The following HMCN1 variants were observed in gnomAD, a reference collection of about 807,000 sequenced individuals.
HMCN1 encodes the protein hemicentin 1.
HMCN1 carries 321 observed loss-of-function variants against 625.9 expected under a neutral mutation model. That is an observed-to-expected ratio of 0.51 (90% CI 0.47 to 0.56). The LOEUF (loss-of-function observed/expected upper bound fraction) is 0.56, where lower values mean the gene tolerates loss of function less well. Among genes scored for constraint, HMCN1 ranks in the 20% least tolerant of loss-of-function variants. The pLI, the probability that HMCN1 is intolerant of heterozygous loss-of-function variation, is 0.00. For missense variants in HMCN1, 6,588 were observed against 6,887.3 expected, an observed-to-expected ratio of 0.96 and a Z score of 1.54; for synonymous variants, 2,425 against 2,417.6, an observed-to-expected ratio of 1.00 and a Z score of -0.09.
intron 68 of HMCN1, among the ~76,000 whole-genome samples, chr1:186,101,630 C>T (rs1467234483): frequency 6.6e-6 from 1 of 151,980 alleles, no homozygotes; most frequent in Admixed American, 6.6e-5. Context: ...TCACTTAACA[C>T]AGGTAAGATC....
chr1:186,127,208 T>C (rs115374062), intron 82 of HMCN1, among the ~76,000 whole-genome samples: 275 of 152,144 alleles, frequency 1.8e-3, no homozygotes, highest in African/African-American at 6.3e-3. Context: ...AGGTCAGTTT[T>C]GGGGCATGAA....
At chr1:185,957,632 CA>C (rs1307190514) in intron 11 of HMCN1, among the ~76,000 whole-genome samples, 1 of 152,164 alleles carries the variant, frequency 6.6e-6, no homozygotes, top group Non-Finnish European at 1.5e-5. Context: ...CCTGCATAAT[CA>C]CATGTTGTGA....
chr1:185,948,490 G>T (rs373096519), intron 11 of HMCN1, among the ~76,000 whole-genome samples: 25 of 151,150 alleles, frequency 1.7e-4, no homozygotes, highest in African/African-American at 5.4e-4. Flanking sequence ...GTCGCAAGGT[G>T]CTCAGTGGGG....
chr1:185,862,272 ATAAAGT>A (rs1662922079), intron 2 of HMCN1, among the ~76,000 whole-genome samples: 1 of 152,188 alleles, frequency 6.6e-6, no homozygotes, highest in Non-Finnish European at 1.5e-5. Flanking sequence ...TGCAGGCAAA[ATAAAGT>A]TAAGTGGAAG....
At chr1:186,039,698 A>G in intron 38 of HMCN1, 30 bp from the exon 39 acceptor site, 1 of 1,608,878 alleles carries the variant, frequency 6.2e-7, no homozygotes, top group Non-Finnish European at 8.5e-7. Context: ...TGTGATATTA[A>G]CGTGTCTTAC....
At position 185,928,618 on chromosome 1, in the gene HMCN1, T is replaced by A. The variant is rs1014759026; in HGVS notation, c.1503T>A (p.Ala501=). ...ACGAAGGTTTCTATGAATGCATTGC[T>A]GTCAGCAGTGCAGGTACTGGACGGG... ...LSDEGFYECI[A]VSSAGTGRAQ... is the part of the protein sequence containing the mutation. Residue 501 remains alanine (A), a synonymous_variant, in exon 10 of 107, where the codon GCT becomes GCA. Coordinates refer to ENST00000271588, the MANE Select transcript of HMCN1 (RefSeq NM_031935.3). 2.5e-6 allele frequency: 4 copies of A among 1,613,482 alleles called. No individual in the cohort carries two copies. The African/African-American group carries it at 4.0e-5, about 16-fold the overall frequency.
rs185859019 is a variant in HMCN1 at position 186,060,735 on chromosome 1, T to C, written c.7313-1116T>C. Among the ~76,000 whole-genome samples the C allele has an allele frequency of 3.9e-5, 6 of 152,264 alleles. No individual in the cohort carries two copies. The East Asian group carries it at 9.7e-4, about 25-fold the overall frequency. On this transcript the variant is annotated intron_variant, in intron 46 of 106. Transcript: ENST00000271588. ...AGTCTTCATTCTCCTATCTTCCTTATATTAGGTTGGTGCAAAAGTAATTGT... is the reference window on the plus strand; with the variant it reads ...AGTCTTCATTCTCCTATCTTCCTTACATTAGGTTGGTGCAAAAGTAATTGT...
At position 186,123,054 on chromosome 1, in the gene HMCN1, A is replaced by G; in HGVS notation, c.12333A>G (p.Thr4111=). Residue 4111 remains threonine, a synonymous_variant, in exon 81 of 107, where the codon ACA becomes ACG. Transcript: ENST00000271588. ...EADGLPPPDI[T]WHKDGRAIVE... The stretch of plus-strand genomic sequence containing the variant: ...ATGGCCTCCCTCCGCCTGACATTAC[A>G]TGGCATAAAGATGGGCGTGCAATTG... 1 of 1,614,118 alleles carries G rather than the reference A, an allele frequency of 6.2e-7. No homozygotes were observed. Among genetic ancestry groups the G allele is most frequent in the Non-Finnish European group, 8.5e-7 (1 of 1,180,000 alleles).
In HMCN1 at chr1:186,062,536, A is replaced by AT; in HGVS notation, c.7449_7450insT (p.Asn2484Ter). On this transcript the variant is annotated frameshift_variant, in exon 48 of 107. Transcript: ENST00000271588. LOFTEE classifies it high-confidence loss of function. ...TAGTACCACCTCATATTGTGGGTGA[A>AT]AATACATTGGAAGATGTGAAGGTAA... The AT allele has an allele frequency of 1.2e-6, 2 of 1,611,698 alleles. No homozygotes were observed.
At chr1:185,769,559 T>C (rs1339141010) in intron 1 of HMCN1, among the ~76,000 whole-genome samples, 1 of 152,090 alleles carries the variant, frequency 6.6e-6, no homozygotes, top group African/African-American at 2.4e-5. Flanking sequence ...AGAGAAGAGT[T>C]TGGGTTGTTA....
At chr1:185,838,098 G>A (rs977655068) in intron 1 of HMCN1, among the ~76,000 whole-genome samples, 1 of 152,126 alleles carries the variant, frequency 6.6e-6, no homozygotes, top group African/African-American at 2.4e-5. Context: ...GGCATCAGAA[G>A]GTTCTTCCTC....
At position 185,803,194 on chromosome 1, in the gene HMCN1, A is replaced by C. The variant is rs1386665015; in HGVS notation, c.269-42832A>C. ...CTACTAAAATTAGCAGAACCAAAAAAAAAAAAAAAGCAAAAAAAAAAAAAA... is the reference window on the plus strand; with the variant it reads ...CTACTAAAATTAGCAGAACCAAAAACAAAAAAAAAGCAAAAAAAAAAAAAA... On this transcript the variant is annotated intron_variant, in intron 1 of 106. Coordinates refer to ENST00000271588, the MANE Select transcript of HMCN1 (RefSeq NM_031935.3). 4.8e-5 allele frequency among the ~76,000 whole-genome samples: 7 copies of C among 144,798 alleles called. No homozygotes were observed. The East Asian group carries it at 1.4e-3, about 28-fold the overall frequency. The allele number at this position is 144,798 out of a possible 152,430, so 95.0% of individuals were successfully genotyped here.
chr1:186,046,695 T>C (rs755846362), intron 41 of HMCN1, among the ~76,000 whole-genome samples: 9 of 152,012 alleles, frequency 5.9e-5, no homozygotes, highest in Non-Finnish European at 1.0e-4. Flanking sequence ...GTTTTAACGG[T>C]AGATGAGATA....
intron 97 of HMCN1, among the ~76,000 whole-genome samples, chr1:186,162,626 C>G (rs1033746564): frequency 2.0e-5 from 3 of 152,214 alleles, no homozygotes; most frequent in Non-Finnish European, 2.9e-5. Context: ...AGTTTTCCTT[C>G]TAACAGACAG....
At chr1:186,139,552 CTGTT>C (rs1649820865) in intron 89 of HMCN1, among the ~76,000 whole-genome samples, 2 of 149,506 alleles carry the variant, frequency 1.3e-5, no homozygotes, top group African/African-American at 4.9e-5. Context: ...CTACTACTGT[CTGTT>C]TGGTTACTTA....
Position 185,923,425 on chromosome 1 carries a change from A to G in HMCN1, c.1057A>G (p.Ile353Val). The change falls in exon 8 of 107, where the codon ATT (isoleucine) becomes GTT (valine). Residue 353 changes from isoleucine to valine, a missense_variant. Around this residue, in one of 3 missense-constraint regions of HMCN1, gnomAD observed 4,628 missense variants for 4,853.1 expected, o/e 0.95. Coordinates refer to ENST00000271588, the MANE Select transcript of HMCN1 (RefSeq NM_031935.3). ...PTYVLLNTSG[I>V]STPARIDLLE... is the part of the protein sequence containing the mutation. ...CTATGTACTGCTCAATACTTCTGGA[A>G]TTTCCACTCCAGCTAGAATAGATCT... 1 of 1,610,420 alleles carries G rather than the reference A, an allele frequency of 6.2e-7. No individual in the cohort carries two copies. Among genetic ancestry groups the G allele is most frequent in the Non-Finnish European group, 8.5e-7 (1 of 1,177,144 alleles).
rs1211956319 is a variant in HMCN1, at chr1:186,115,986, C to T, written c.11561+572C>T. Among the ~76,000 whole-genome samples, 3 of 151,868 alleles carry T rather than the reference C, an allele frequency of 2.0e-5. No individual in the cohort carries two copies. The East Asian group carries it at 5.8e-4, about 29-fold the overall frequency. On this transcript the variant is annotated intron_variant, in intron 75 of 106. Coordinates refer to ENST00000271588, the MANE Select transcript of HMCN1 (RefSeq NM_031935.3). ...TAGGTGAGCATCATTTTTTGTATCT[C>T]ACCTGAGCTATCAGATTATTACTCT...
chr1:185,800,842 A>G (rs143906350), intron 1 of HMCN1, among the ~76,000 whole-genome samples: 200 of 152,312 alleles, frequency 1.3e-3, no homozygotes, highest in African/African-American at 4.7e-3. Context: ...TCTGTCTTAT[A>G]TTTGTGGAAA....
intron 4 of HMCN1, among the ~76,000 whole-genome samples, chr1:185,877,639 T>C (rs751265725): frequency 6.6e-6 from 1 of 152,116 alleles, no homozygotes; most frequent in Non-Finnish European, 1.5e-5. Flanking sequence ...ATAATTTCTT[T>C]CATCAGTGTT....
Sources: gnomAD v4.1 joint callset for allele counts (sites outside exome capture counted in the v4.1 genomes callset) on GRCh38, gnomAD v4.1.1 for gene constraint, gnomAD v4.1.1 regional missense constraint, MANE v1.5 for transcripts, NCBI Gene and HGNC (gene_info 2026-07-23, HGNC 2026-07-21) for gene names.